CNKSR3: variants seen among roughly 807,000 people sequenced by gnomAD.
The protein encoded by CNKSR3 is connector enhancer of kinase suppressor of ras 3.
Under a neutral mutation model 67.7 loss-of-function variants are expected in CNKSR3, and 36 were observed. The observed-to-expected ratio is 0.53, with a 90% confidence interval of 0.41 to 0.70. CNKSR3 has a LOEUF of 0.70. Ranked by LOEUF, CNKSR3 falls within the 30% of genes least tolerant of loss-of-function variation. CNKSR3 has a pLI of 0.00. For synonymous variants in CNKSR3, 281 were observed against 271.4 expected (o/e 1.04, Z -0.35); for missense variants, 630 against 695.2 (o/e 0.91, Z 1.05).
chr6:154,422,755 T>G, intron 8 of CNKSR3, 103 bp from the exon 9 acceptor site: 2 of 1,347,412 alleles, frequency 1.5e-6, no homozygotes, highest in Non-Finnish European at 1.0e-6. Context: ...AGCAGATACA[T>G]AGAAACAAAA....
At chr6:154,428,501 A>G (rs1785300220) in intron 6 of CNKSR3, among the ~76,000 whole-genome samples, 2 of 152,188 alleles carry the variant, frequency 1.3e-5, no homozygotes, top group Admixed American at 6.5e-5. Flanking sequence ...TGAGTGAGGC[A>G]CTTCAAACAA....
chr6:154,443,381 A>G (rs112662062), intron 2 of CNKSR3, among the ~76,000 whole-genome samples: 4,496 of 151,160 alleles, frequency 0.03, 231 homozygotes, highest in African/African-American at 0.1. Flanking sequence ...CCTGCTCTCT[A>G]CCCATCAGAT....
At chr6:154,477,831 C>G (rs1453088643) in intron 1 of CNKSR3, among the ~76,000 whole-genome samples, 1 of 152,164 alleles carries the variant, frequency 6.6e-6, no homozygotes, top group Non-Finnish European at 1.5e-5. Flanking sequence ...TCTTCAAACA[C>G]CCAAATGCAC....
At chr6:154,509,982 G>GCCAA (rs1173048463) in intron 1 of CNKSR3, 81 bp downstream of exon 1, 1 of 1,502,948 alleles carries the variant, frequency 6.7e-7, no homozygotes, top group East Asian at 2.3e-5. Flanking sequence ...GGGAGGAAGG[G>GCCAA]CCAAGTACCC....
rs6911145 is a variant in CNKSR3, at chr6:154,470,188, C to T, written c.53-19930G>A. Among the ~76,000 whole-genome samples, 83 of 68,720 alleles carry T rather than the reference C, an allele frequency of 1.2e-3. 6 individuals carry two copies. Among genetic ancestry groups the T allele is most frequent in the African/African-American group, 3.3e-3 (55 of 16,806 alleles). 45.1% of individuals were successfully genotyped at this position (68,720 alleles called of 152,430 possible). ...TGTAATAAAGAACCTACTTTCTTTC[C>T]TTTTTTTTTTTTTTTTTTTTTTTTT... is the stretch of plus-strand genomic sequence containing the variant. On this transcript the variant is annotated intron_variant, in intron 1 of 12. Transcript: ENST00000607772.
chr6:154,453,352 G>A (rs886839198), intron 1 of CNKSR3, among the ~76,000 whole-genome samples: 4 of 152,196 alleles, frequency 2.6e-5, no homozygotes, highest in Non-Finnish European at 4.4e-5. Flanking sequence ...TGGGAGGAAT[G>A]GTGAGAGTTC....
intron 7 of CNKSR3, among the ~76,000 whole-genome samples, chr6:154,423,797 C>CT (rs1282817372): frequency 6.6e-6 from 1 of 152,084 alleles, no homozygotes; most frequent in East Asian, 1.9e-4. Flanking sequence ...ACAGAAATTG[C>CT]TTTAAAGAAA....
intron 1 of CNKSR3, among the ~76,000 whole-genome samples, chr6:154,451,888 C>A (rs968893278): frequency 1.3e-5 from 2 of 152,132 alleles, no homozygotes; most frequent in Non-Finnish European, 2.9e-5. Flanking sequence ...GCAAGTGAGG[C>A]TGGGGATACT....
chr6:154,490,805 G>C (rs1422257660), intron 1 of CNKSR3, among the ~76,000 whole-genome samples: 1 of 152,116 alleles, frequency 6.6e-6, no homozygotes, highest in East Asian at 1.9e-4. Context: ...GCCCTAGACA[G>C]AGCTACCTCC....
At chr6:154,454,465 C>T (rs1488399525) in intron 1 of CNKSR3, among the ~76,000 whole-genome samples, 1 of 151,978 alleles carries the variant, frequency 6.6e-6, no homozygotes, top group Admixed American at 6.6e-5. Flanking sequence ...GGCAAAAGGA[C>T]TGCTTGAGGC....
intron 4 of CNKSR3, among the ~76,000 whole-genome samples, chr6:154,436,029 C>T (rs73574924): frequency 0.025 from 3,853 of 152,216 alleles, 171 homozygotes; most frequent in African/African-American, 0.089. Flanking sequence ...ACGCGTCAAG[C>T]GTGGATGCAC....
At chr6:154,480,059 G>A (rs1214386230) in intron 1 of CNKSR3, among the ~76,000 whole-genome samples, 1 of 152,204 alleles carries the variant, frequency 6.6e-6, no homozygotes, top group South Asian at 2.1e-4. Context: ...AAACTTTCTC[G>A]TTGTTGGCTG....
In CNKSR3 at chr6:154,400,621, G is replaced by C. The variant is rs149477027; in HGVS notation, c.*5733C>G. On this transcript the variant is annotated 3_prime_UTR_variant, in exon 13 of 13. Transcript: ENST00000607772. ...AGGCCATTATTTAAGACAAACTTTT[G>C]AGTATAAAAAATTTGTCTTTTACAT... 6.6e-6 allele frequency: 1 copy of C among 152,234 alleles called. No individual in the cohort carries two copies. The highest frequency in any genetic ancestry group is 2.4e-5 in the African/African-American group (1 of 41,534). The allele number at this position is 152,234 out of a possible 1,614,324, so 9.4% of individuals were successfully genotyped here.
intron 1 of CNKSR3, among the ~76,000 whole-genome samples, chr6:154,450,815 A>G (rs929241074): frequency 3.9e-5 from 6 of 152,214 alleles, no homozygotes; most frequent in African/African-American, 1.4e-4. Flanking sequence ...CTTACTTTCC[A>G]ATCAGAAGTC....
intron 1 of CNKSR3, among the ~76,000 whole-genome samples, chr6:154,486,918 G>A (rs1786684934): frequency 1.3e-5 from 2 of 152,056 alleles, no homozygotes; most frequent in Non-Finnish European, 2.9e-5. Flanking sequence ...CAGTCCTCTC[G>A]CCTCAGCCTC....
At chr6:154,488,016 A>C (rs1465995833) in intron 1 of CNKSR3, among the ~76,000 whole-genome samples, 3 of 152,220 alleles carry the variant, frequency 2.0e-5, no homozygotes, top group African/African-American at 7.2e-5. Context: ...AACAACTCTA[A>C]TCTTTACATC....
At chr6:154,438,976 G>A (rs550583119) in intron 4 of CNKSR3, among the ~76,000 whole-genome samples, 22 of 152,022 alleles carry the variant, frequency 1.4e-4, no homozygotes, top group African/African-American at 4.1e-4. Flanking sequence ...AGTTCATAAC[G>A]ATCGACCCCT....
chr6:154,410,903 C>T lies in CNKSR3; in HGVS notation c.1279+31G>A, dbSNP rs200877608. The T allele has an allele frequency of 1.1e-4, 166 of 1,568,694 alleles. No individual in the cohort carries two copies. In the African/African-American group the frequency reaches 1.7e-3, roughly 16 times the overall value. ...GGCGGGGAGGAGAAGTCAAGGCCAA[C>T]GGCAGAACAAAACAAACACTTGAAA... On this transcript the variant is annotated intron_variant, in intron 11 of 12. Transcript: ENST00000607772.
intron 1 of CNKSR3, among the ~76,000 whole-genome samples, chr6:154,451,310 T>C (rs1025590537): frequency 4.6e-5 from 7 of 152,262 alleles, no homozygotes; most frequent in African/African-American, 1.7e-4. Flanking sequence ...TCAATTGATC[T>C]ATTGAAGCCT....
Sources: gnomAD v4.1 joint callset for allele counts (sites outside exome capture counted in the v4.1 genomes callset) on GRCh38, gnomAD v4.1.1 for gene constraint, MANE v1.5 for transcripts, NCBI Gene and HGNC (gene_info 2026-07-23, HGNC 2026-07-21) for gene names.